ZBTB16: variants seen among roughly 807,000 people sequenced by gnomAD.
ZBTB16 encodes the protein zinc finger and BTB domain containing 16.
In ZBTB16, 8 loss-of-function variants were observed where a neutral mutation model predicts 56.8. That is an observed-to-expected ratio of 0.14 (90% confidence interval 0.08 to 0.25). ZBTB16 has a LOEUF of 0.25. ZBTB16 is among the 10% of genes least tolerant of loss of function. The pLI, the probability that ZBTB16 is intolerant of heterozygous loss-of-function variation, is 1.00. For missense variants in ZBTB16, 625 were observed against 903.0 expected (o/e 0.69, Z 3.95); for synonymous variants, 363 against 368.5 (o/e 0.98, Z 0.17).
At position 114,080,798 on chromosome 11, in the gene ZBTB16, A is replaced by G. The variant is rs570284352; in HGVS notation, c.1268+16230A>G. On this transcript the variant is annotated intron_variant, in intron 2 of 6. Coordinates refer to ENST00000335953, the MANE Select transcript of ZBTB16 (RefSeq NM_006006.6). Reference sequence around the variant, plus strand: ...AGAGGGACTGGCTTATTCACTAGCTAAGGTTTGTTTATTTTCGGAAGGTTG... The same window carrying G: ...AGAGGGACTGGCTTATTCACTAGCTGAGGTTTGTTTATTTTCGGAAGGTTG... Among the ~76,000 whole-genome samples the G allele has an allele frequency of 4.6e-5, 7 of 152,228 alleles. No individual in the cohort carries two copies. The East Asian group carries it at 1.4e-3, about 29-fold the overall frequency.
At chr11:114,061,154 G>GGT (rs1405320013) in intron 1 of ZBTB16, among the ~76,000 whole-genome samples, 1 of 151,816 alleles carries the variant, frequency 6.6e-6, no homozygotes, top group East Asian at 2.0e-4. Context: ...GAACTGGGGG[G>GGT]GTGTGAGAGC....
chr11:114,148,244 A>G (rs1942160278), intron 2 of ZBTB16, among the ~76,000 whole-genome samples: 1 of 151,804 alleles, frequency 6.6e-6, no homozygotes, highest in Non-Finnish European at 1.5e-5. Context: ...TCATATTTTC[A>G]AGGCTCAGGA....
intron 4 of ZBTB16, among the ~76,000 whole-genome samples, chr11:114,240,179 T>C (rs1457513892): frequency 6.6e-6 from 1 of 152,078 alleles, no homozygotes; most frequent in East Asian, 1.9e-4. Context: ...CTTCAGTGTC[T>C]GCAAAGGGAA....
intron 3 of ZBTB16, among the ~76,000 whole-genome samples, chr11:114,178,553 C>T (rs138626606): frequency 4.3e-4 from 65 of 152,222 alleles, no homozygotes; most frequent in African/African-American, 1.5e-3. Flanking sequence ...TGGCTGTGGA[C>T]AGTGTTTCTA....
At chr11:114,075,331 A>G (rs555240551) in intron 2 of ZBTB16, among the ~76,000 whole-genome samples, 28 of 152,224 alleles carry the variant, frequency 1.8e-4, no homozygotes, top group East Asian at 5.8e-4. Context: ...GTGGTAGAGC[A>G]GTGTTGTTAA....
At chr11:114,228,097 C>T (rs1244440071) in intron 4 of ZBTB16, among the ~76,000 whole-genome samples, 1 of 152,168 alleles carries the variant, frequency 6.6e-6, no homozygotes, top group South Asian at 2.1e-4. Flanking sequence ...GGCGAAACCC[C>T]TGAACTCTTC....
intron 5 of ZBTB16, chr11:114,246,962 C>G (rs961630418): frequency 8.6e-6 from 5 of 579,306 alleles, no homozygotes; most frequent in Non-Finnish European, 1.5e-5. Flanking sequence ...GGCTCTCTTT[C>G]CCAGGACTGG....
In ZBTB16 at chr11:114,137,139, T is replaced by C. The variant is rs572390103; in HGVS notation, c.1269-19198T>C. Among the ~76,000 whole-genome samples the C allele has an allele frequency of 1.2e-4, 18 of 152,356 alleles. No individual in the cohort carries two copies. In the South Asian group the frequency reaches 2.3e-3, roughly 19 times the overall value. On this transcript the variant is annotated intron_variant, in intron 2 of 6. Transcript: ENST00000335953. ...CTATTATGGAAACAGACATTGCATCTGTGTCTTCTCTTGTTTCCTGCATGC... is the reference window on the plus strand; with the variant it reads ...CTATTATGGAAACAGACATTGCATCCGTGTCTTCTCTTGTTTCCTGCATGC...
intron 2 of ZBTB16, among the ~76,000 whole-genome samples, chr11:114,140,756 C>T (rs569481212): frequency 2.6e-5 from 4 of 152,314 alleles, no homozygotes; most frequent in African/African-American, 7.2e-5. Flanking sequence ...TCCAGTCTCT[C>T]TTTTCTTGTA....
intron 2 of ZBTB16, among the ~76,000 whole-genome samples, chr11:114,150,525 C>T (rs1160863299): frequency 6.6e-6 from 1 of 152,164 alleles, no homozygotes; most frequent in Non-Finnish European, 1.5e-5. Flanking sequence ...AATATGGAAA[C>T]ACTCTGCAGT....
intron 2 of ZBTB16, among the ~76,000 whole-genome samples, chr11:114,139,420 G>A (rs978636413): frequency 1.3e-5 from 2 of 152,122 alleles, no homozygotes; most frequent in African/African-American, 2.4e-5. Context: ...GATCATTTCA[G>A]CTTTATTTGG....
intron 4 of ZBTB16, among the ~76,000 whole-genome samples, chr11:114,225,968 A>G (rs1944320380): frequency 6.6e-6 from 1 of 152,190 alleles, no homozygotes; most frequent in South Asian, 2.1e-4. Flanking sequence ...ATACTAAGTG[A>G]TTTGCATATG....
At chr11:114,136,854 G>A (rs765282707) in intron 2 of ZBTB16, among the ~76,000 whole-genome samples, 3 of 152,086 alleles carry the variant, frequency 2.0e-5, no homozygotes, top group East Asian at 1.9e-4. Flanking sequence ...AGGTCACCTC[G>A]TGCTGTCTCT....
intron 4 of ZBTB16, among the ~76,000 whole-genome samples, chr11:114,197,685 G>T (rs573631389): frequency 1.3e-5 from 2 of 152,120 alleles, no homozygotes; most frequent in South Asian, 2.1e-4. Flanking sequence ...GCAGGGGGTG[G>T]GGTGGGAGTA....
intron 4 of ZBTB16, among the ~76,000 whole-genome samples, chr11:114,212,094 ACCGGGCG>A (rs1944009483): frequency 1.3e-5 from 2 of 151,494 alleles, no homozygotes; most frequent in African/African-American, 4.9e-5. Context: ...TACAGTGTGG[ACCGGGCG>A]AGCTGTGCAC....
rs766823966 is a variant in ZBTB16 at position 114,247,241 on chromosome 11, G to A, written c.1668G>A (p.Arg556=). The A allele has an allele frequency of 6.2e-7, 1 of 1,614,232 alleles. No individual in the cohort carries two copies. Among genetic ancestry groups the A allele is most frequent in the South Asian group, 1.1e-5 (1 of 91,080 alleles). Residue 556 remains arginine, a synonymous_variant, in exon 6 of 7, where the codon CGG becomes CGA. Transcript: ENST00000335953. ...GTGAGTTCTGTGGCAGCTGCTTCCG[G>A]GATGAGAGCACACTCAAGAGCCACA... ...YECEFCGSCF[R]DESTLKSHKR... is the part of the protein sequence containing the mutation.
chr11:114,183,940 C>T lies in ZBTB16; in HGVS notation c.1367-3012C>T, dbSNP rs1308623149. 4.6e-5 allele frequency among the ~76,000 whole-genome samples: 7 copies of T among 152,228 alleles called. No individual in the cohort carries two copies. The East Asian group carries it at 7.7e-4, about 17-fold the overall frequency. On this transcript the variant is annotated intron_variant, in intron 3 of 6. Coordinates refer to ENST00000335953, the MANE Select transcript of ZBTB16 (RefSeq NM_006006.6). ...CTCTTTCTTCAAAGCTCTCTTAAGC[C>T]GTGTACCAGGTGCTTGGCCTGAGGA... is the stretch of plus-strand genomic sequence containing the variant.
chr11:114,196,125 A>G (rs1165697978), intron 4 of ZBTB16, among the ~76,000 whole-genome samples: 3 of 152,192 alleles, frequency 2.0e-5, no homozygotes, highest in East Asian at 3.9e-4. Flanking sequence ...GTTGGTGTCT[A>G]AACAGGTGAT....
chr11:114,173,033 G>A (rs1943011488), intron 3 of ZBTB16, among the ~76,000 whole-genome samples: 1 of 152,198 alleles, frequency 6.6e-6, no homozygotes, highest in Admixed American at 6.5e-5. Flanking sequence ...GGTGCAGGGG[G>A]TAAGGAAGCC....
Sources: gnomAD v4.1 joint callset for allele counts (sites outside exome capture counted in the v4.1 genomes callset) on GRCh38, gnomAD v4.1.1 for gene constraint, MANE v1.5 for transcripts, NCBI Gene and HGNC (gene_info 2026-07-23, HGNC 2026-07-21) for gene names.